The following ARAP2 variants were observed in gnomAD, a reference collection of about 807,000 sequenced individuals.
ARAP2 encodes arf-GAP with Rho-GAP domain, ANK repeat and PH domain-containing protein 2.
Under a neutral mutation model 194.5 loss-of-function variants are expected in ARAP2, and 148 were observed. The ratio of observed to expected loss-of-function variants is 0.76; its 90% CI spans 0.67 to 0.87. The LOEUF is 0.87. ARAP2 is among the 40% of genes least tolerant of loss of function. The pLI is 0.00. For missense variants in ARAP2, 2,128 were observed against 1,989.7 expected (o/e 1.07, Z -1.32); for synonymous variants, 695 against 683.5 (o/e 1.02, Z -0.26).
In ARAP2 at chr4:36,057,615, G is replaced by A. The variant is rs567775017; in HGVS notation, n.321+355C>T. On this transcript the variant is annotated intron_variant and non_coding_transcript_variant, in intron 2 of 12. Coordinates refer to the ARAP2 transcript ENST00000503225. The stretch of plus-strand genomic sequence containing the variant: ...TGTCTCCAATTCACTAACCGTTGGT[G>A]CATGTCAATTATGCTATAAAACCCA... 4.0e-5 allele frequency among the ~76,000 whole-genome samples: 6 copies of A among 151,894 alleles called. No individual in the cohort carries two copies. In the South Asian group the frequency reaches 1.2e-3, roughly 32 times the overall value.
At chr4:36,057,931 G>GAAAA (rs34518801) in intron 2 of ARAP2, 1 of 142,160 alleles carries the variant, frequency 7.0e-6, no homozygotes. Context: ...GCCAGAAATT[G>GAAAA]AAAAAAAAAA....
At chr4:36,023,190 A>C (rs1284943382) in intron 5 of ARAP2, among the ~76,000 whole-genome samples, 2 of 152,224 alleles carry the variant, frequency 1.3e-5, no homozygotes, top group African/African-American at 4.8e-5. Context: ...TGATTCAGCC[A>C]AAGAGTTCGG....
In ARAP2 at chr4:36,068,264, T is replaced by C. The variant is rs767863252; in HGVS notation, c.4758A>G (p.Glu1586=). The C allele has an allele frequency of 3.2e-6, 5 of 1,554,106 alleles. No individual in the cohort carries two copies. Among genetic ancestry groups the C allele is most frequent in the Non-Finnish European group, 3.5e-6 (4 of 1,152,806 alleles). Residue 1586 remains glutamate (E), a synonymous_variant, in exon 33 of 33, where the codon GAA becomes GAG. Coordinates refer to ENST00000303965, the MANE Select transcript of ARAP2 (RefSeq NM_015230.4). The stretch of plus-strand genomic sequence containing the variant: ...TTTCACTGAGCCGCAGCCTTTCAAG[T>C]TCTGCTCTTGCACTCTAAAAATAAA... ...ARKNIESARA[E]LERLRLSEKC...
intron 28 of ARAP2, among the ~76,000 whole-genome samples, chr4:36,086,980 T>A (rs1712044483): frequency 6.6e-6 from 1 of 152,122 alleles, no homozygotes; most frequent in Admixed American, 6.6e-5. Flanking sequence ...TCATAAATTA[T>A]CTCTAATTAA....
At chr4:36,170,970 G>A (rs1057171164) in intron 9 of ARAP2, among the ~76,000 whole-genome samples, 8 of 152,074 alleles carry the variant, frequency 5.3e-5, no homozygotes, top group Admixed American at 4.6e-4. Context: ...CTGGTGGTAG[G>A]GGTACTGAAT....
intron 5 of ARAP2, among the ~76,000 whole-genome samples, chr4:36,041,412 A>G (rs1304598216): frequency 6.6e-6 from 1 of 152,210 alleles, no homozygotes; most frequent in Non-Finnish European, 1.5e-5. Context: ...TATGCAGCCA[A>G]CAAGCACATC....
chr4:36,050,339 C>A (rs1219120529), intron 3 of ARAP2, among the ~76,000 whole-genome samples: 1 of 152,138 alleles, frequency 6.6e-6, no homozygotes, highest in East Asian at 1.9e-4. Flanking sequence ...TTAGGTTTAG[C>A]CAATTAGTAT....
intron 5 of ARAP2, among the ~76,000 whole-genome samples, chr4:36,034,280 A>C (rs1719528261): frequency 6.6e-6 from 1 of 152,124 alleles, no homozygotes; most frequent in Non-Finnish European, 1.5e-5. Flanking sequence ...ACTGAGCATG[A>C]AAATATTTTC....
intron 19 of ARAP2, among the ~76,000 whole-genome samples, chr4:36,141,024 G>A (rs1240106786): frequency 6.6e-6 from 1 of 151,620 alleles, no homozygotes; most frequent in Middle Eastern, 3.2e-3. Flanking sequence ...GCTATGGAAT[G>A]TGAAAATGGT....
At chr4:36,103,587 G>A (rs907177392) in intron 27 of ARAP2, among the ~76,000 whole-genome samples, 3 of 151,638 alleles carry the variant, frequency 2.0e-5, no homozygotes, top group Non-Finnish European at 4.4e-5. Flanking sequence ...AAAAAATTGA[G>A]GACTATTACC....
At chr4:36,106,087 C>A (rs1290609658) in intron 27 of ARAP2, among the ~76,000 whole-genome samples, 2 of 151,964 alleles carry the variant, frequency 1.3e-5, no homozygotes, top group African/African-American at 4.8e-5. Context: ...TGCCTCCCTA[C>A]CCAATCTCCA....
At chr4:36,103,077 T>C (rs535199938) in intron 27 of ARAP2, among the ~76,000 whole-genome samples, 64 of 151,966 alleles carry the variant, frequency 4.2e-4, no homozygotes, top group African/African-American at 1.5e-3. Context: ...TTTGCTGAAA[T>C]TGTCTTTTTT....
At chr4:36,183,704 A>G (rs781524194) in intron 8 of ARAP2, among the ~76,000 whole-genome samples, 6 of 152,290 alleles carry the variant, frequency 3.9e-5, no homozygotes, top group Middle Eastern at 3.4e-3. Context: ...TGGGAAGTGT[A>G]TTTTTTAAAT....
intron 3 of ARAP2, 113 bp from the exon 4 acceptor site, chr4:36,213,432 T>C (rs1747207191): frequency 1.3e-6 from 1 of 741,580 alleles, no homozygotes; most frequent in Non-Finnish European, 2.2e-6. Context: ...ACGTAAGCTT[T>C]ATTCTGTAAG....
At chr4:36,140,086 G>A (rs1231612078) in intron 19 of ARAP2, among the ~76,000 whole-genome samples, 2 of 148,280 alleles carry the variant, frequency 1.3e-5, no homozygotes, top group Admixed American at 6.8e-5. Context: ...GTCCTTCATT[G>A]GATTGTAGAT....
intron 1 of ARAP2, among the ~76,000 whole-genome samples, chr4:36,243,108 T>C (rs1753851843): frequency 6.7e-6 from 1 of 150,372 alleles, no homozygotes; most frequent in Non-Finnish European, 1.5e-5. Flanking sequence ...AAAAAAAGAG[T>C]TTAAAGGTAT....
intron 2 of ARAP2, among the ~76,000 whole-genome samples, chr4:36,226,155 GA>G (rs147081588): frequency 1.2e-4 from 18 of 145,168 alleles, no homozygotes; most frequent in East Asian, 6.0e-4. Flanking sequence ...AAAATCACAT[GA>G]AAAAAAAAAC....
chr4:36,080,581 T>A (rs1210156628), intron 30 of ARAP2, among the ~76,000 whole-genome samples: 1 of 152,210 alleles, frequency 6.6e-6, no homozygotes, highest in Non-Finnish European at 1.5e-5. Flanking sequence ...TTTTGCCTTT[T>A]CAAGTACCTG....
chr4:36,071,079 C>T (rs965503585), intron 32 of ARAP2, among the ~76,000 whole-genome samples: 1 of 152,080 alleles, frequency 6.6e-6, no homozygotes, highest in East Asian at 1.9e-4. Context: ...TCATTCTTTG[C>T]TCGTTATTTT....
Sources: allele counts gnomAD v4.1 joint callset (sites outside exome capture counted in the v4.1 genomes callset), GRCh38; gene constraint gnomAD v4.1.1; transcripts MANE v1.5; gene names NCBI Gene and HGNC (gene_info 2026-07-23, HGNC 2026-07-21).